DAAM1: variants seen among roughly 807,000 people sequenced by gnomAD.
DAAM1 encodes disheveled-associated activator of morphogenesis 1.
A neutral mutation model predicts 130.0 loss-of-function variants in DAAM1; 52 were observed. That is an observed-to-expected ratio of 0.40 (90% CI 0.32 to 0.50). DAAM1 has a LOEUF of 0.50. DAAM1 is among the 20% of genes least tolerant of loss of function. The pLI is 0.61. For missense variants in DAAM1, 1,134 were observed against 1,303.8 expected, an observed-to-expected ratio of 0.87 and a Z score of 2.01; for synonymous variants, 452 against 444.5, an observed-to-expected ratio of 1.02 and a Z score of -0.21.
At chr14:59,255,582 C>A (rs1418621556) in intron 1 of DAAM1, among the ~76,000 whole-genome samples, 1 of 152,108 alleles carries the variant, frequency 6.6e-6, no homozygotes, top group East Asian at 1.9e-4. Context: ...CACATCAGAG[C>A]CCTCTGGAAA....
At position 59,361,880 on chromosome 14, in the gene DAAM1, C is replaced by T. The variant is rs1272864365; in HGVS notation, c.2694+1018C>T. Among the ~76,000 whole-genome samples the T allele has an allele frequency of 2.0e-5, 3 of 152,126 alleles. No individual in the cohort carries two copies. In the East Asian group the frequency reaches 5.8e-4, roughly 29 times the overall value. On this transcript the variant is annotated intron_variant, in intron 22 of 24. Coordinates refer to ENST00000360909, the MANE Select transcript of DAAM1 (RefSeq NM_001270520.2). ...ATTTATCAGTAATGCTGTGAGGACT[C>T]TCCCTTCTTTTCGTTTTTGAATCAC...
intron 23 of DAAM1, 60 bp downstream of exon 23, chr14:59,363,842 T>C (rs1329244812): frequency 6.2e-7 from 1 of 1,600,990 alleles, no homozygotes; most frequent in Admixed American, 1.7e-5. Context: ...AGTGTGATAC[T>C]TTCAGTTATT....
chr14:59,297,410 C>T (rs537643249), intron 3 of DAAM1, among the ~76,000 whole-genome samples: 1 of 152,282 alleles, frequency 6.6e-6, no homozygotes, highest in South Asian at 2.1e-4. Context: ...GCAATGTTGT[C>T]TCTAAAAGCC....
chr14:59,303,825 A>G (rs977683878), intron 3 of DAAM1, among the ~76,000 whole-genome samples: 21 of 152,128 alleles, frequency 1.4e-4, no homozygotes, highest in African/African-American at 4.8e-4. Flanking sequence ...GCTTGAACCC[A>G]GGAGGCGGAG....
chr14:59,339,033 C>T (rs1235210429), intron 15 of DAAM1, among the ~76,000 whole-genome samples: 3 of 152,146 alleles, frequency 2.0e-5, no homozygotes, highest in Non-Finnish European at 4.4e-5. Flanking sequence ...GTTTGTAGAA[C>T]TGATAATGTT....
chr14:59,189,442 C>T (rs1887659304), intron 1 of DAAM1, among the ~76,000 whole-genome samples: 1 of 152,202 alleles, frequency 6.6e-6, no homozygotes, highest in South Asian at 2.1e-4. Context: ...GGAGGCTGCG[C>T]CGCCTGCGGA....
intron 2 of DAAM1, among the ~76,000 whole-genome samples, chr14:59,276,586 T>C (rs72726359): frequency 0.016 from 2,502 of 152,320 alleles, 45 homozygotes; most frequent in Non-Finnish European, 0.026. Context: ...CCTGCTGGGC[T>C]TGTGGGAAAC....
At chr14:59,251,433 G>A (rs1384358525) in intron 1 of DAAM1, among the ~76,000 whole-genome samples, 4 of 138,076 alleles carry the variant, frequency 2.9e-5, no homozygotes, top group African/African-American at 5.0e-5. Flanking sequence ...TCACTCCGCC[G>A]TGTTTTTTTT....
rs754857237 is a variant in DAAM1 at position 59,326,469 on chromosome 14, A to G, written c.1175-41A>G. The G allele has an allele frequency of 5.1e-6, 8 of 1,554,142 alleles. No individual in the cohort carries two copies. The Admixed American group carries it at 1.4e-4, about 27-fold the overall frequency. ...GACAAATATTCATCCTAGCTTAGAA[A>G]CAACTTGAAGATTTTTTTTCACTAT... On this transcript the variant is annotated intron_variant, in intron 10 of 24. Transcript: ENST00000360909.
intron 2 of DAAM1, among the ~76,000 whole-genome samples, chr14:59,289,770 A>ATATATATATATATT (rs1883645463): frequency 1.8e-5 from 1 of 56,330 alleles, no homozygotes; most frequent in African/African-American, 3.8e-5. Flanking sequence ...AAAATGTGAT[A>ATATATATATATATT]TATATATATA....
rs148350009 is a variant in DAAM1 at position 59,237,080 on chromosome 14, G to C, written c.-37-26361G>C. On this transcript the variant is annotated intron_variant, in intron 1 of 24. Transcript: ENST00000360909. ...GCACTTAGCATTTAGCCCTTGGGCC[G>C]CAATTTGCACACCCCTAGCATAGAG... Among the ~76,000 whole-genome samples, 820 of 152,264 alleles carry C rather than the reference G, an allele frequency of 5.4e-3. 11 individuals carry two copies. Among genetic ancestry groups the C allele is most frequent in the African/African-American group, 0.018 (765 of 41,546 alleles).
intron 2 of DAAM1, among the ~76,000 whole-genome samples, chr14:59,272,708 G>A (rs1882778297): frequency 6.6e-6 from 1 of 152,066 alleles, no homozygotes; most frequent in South Asian, 2.1e-4. Flanking sequence ...TCCTTTGACA[G>A]TGTAGCATTT....
At chr14:59,288,840 A>AGG (rs2139559936) in intron 2 of DAAM1, among the ~76,000 whole-genome samples, 1 of 151,050 alleles carries the variant, frequency 6.6e-6, no homozygotes, top group South Asian at 2.1e-4. Context: ...CAGGAGAGAG[A>AGG]GAGAGAGAGA....
chr14:59,340,288 G>C (rs1885796432), intron 16 of DAAM1, 108 bp downstream of exon 16: 6 of 966,856 alleles, frequency 6.2e-6, no homozygotes, highest in Admixed American at 4.5e-5. Flanking sequence ...CTGAGGTACA[G>C]TTCTTTGGAT....
At chr14:59,239,939 A>C (rs1422730578) in intron 1 of DAAM1, among the ~76,000 whole-genome samples, 1 of 152,234 alleles carries the variant, frequency 6.6e-6, no homozygotes, top group African/African-American at 2.4e-5. Flanking sequence ...AGACTCCTGG[A>C]AAGTCAATCT....
At chr14:59,268,464 T>A (rs923254661) in intron 2 of DAAM1, among the ~76,000 whole-genome samples, 1 of 152,188 alleles carries the variant, frequency 6.6e-6, no homozygotes, top group African/African-American at 2.4e-5. Flanking sequence ...ACCAGCAATG[T>A]ATGAGGGTTC....
intron 2 of DAAM1, among the ~76,000 whole-genome samples, chr14:59,271,708 C>T (rs931997014): frequency 6.6e-6 from 1 of 152,166 alleles, no homozygotes; most frequent in Non-Finnish European, 1.5e-5. Flanking sequence ...TGAATTGTTA[C>T]TCCTTTTCTC....
chr14:59,210,144 A>G (rs1203326364), intron 1 of DAAM1, among the ~76,000 whole-genome samples: 1 of 152,138 alleles, frequency 6.6e-6, no homozygotes, highest in East Asian at 1.9e-4. Context: ...CCTGTCTCTA[A>G]AACAAACAAA....
chr14:59,337,775 T>C (rs1185860259), intron 15 of DAAM1, among the ~76,000 whole-genome samples: 1 of 152,284 alleles, frequency 6.6e-6, no homozygotes, highest in East Asian at 1.9e-4. Flanking sequence ...GCATGTTCTT[T>C]TTCCTCATAC....
Sources: gnomAD v4.1 joint callset for allele counts (sites outside exome capture counted in the v4.1 genomes callset) on GRCh38, gnomAD v4.1.1 for gene constraint, MANE v1.5 for transcripts, NCBI Gene and HGNC (gene_info 2026-07-23, HGNC 2026-07-21) for gene names.